The following RGS7 variants were observed in gnomAD, a reference collection of about 807,000 sequenced individuals.
RGS7 encodes the protein regulator of G protein signaling 7.
RGS7 carries 27 observed loss-of-function variants against 81.1 expected under a neutral mutation model. The observed-to-expected ratio is 0.33, with a 90% CI of 0.25 to 0.46. The LOEUF (loss-of-function observed/expected upper bound fraction) is 0.46, where lower values mean the gene tolerates loss of function less well. Ranked by LOEUF, RGS7 falls within the 20% of genes least tolerant of loss-of-function variation. The pLI, the probability that RGS7 is intolerant of heterozygous loss-of-function variation, is 1.00. For synonymous variants in RGS7, 208 were observed against 207.7 expected (o/e 1.00, Z -0.01); for missense variants, 396 against 607.4 (o/e 0.65, Z 3.66).
intron 3 of RGS7, among the ~76,000 whole-genome samples, chr1:240,993,347 G>C (rs1395354033): frequency 6.6e-6 from 1 of 152,184 alleles, no homozygotes; most frequent in African/African-American, 2.4e-5. Context: ...ATTCCTACCA[G>C]CGATGTAGGA....
intron 4 of RGS7, 30 bp downstream of exon 4, chr1:240,983,048 AG>A (rs1166081106): frequency 5.2e-6 from 7 of 1,341,674 alleles, no homozygotes; most frequent in Non-Finnish European, 7.5e-6. Context: ...CTAAGAAAAA[AG>A]TTCTTGCAAT....
chr1:241,068,635 C>T (rs974071911), intron 3 of RGS7, among the ~76,000 whole-genome samples: 1 of 151,990 alleles, frequency 6.6e-6, no homozygotes, highest in Non-Finnish European at 1.5e-5. Flanking sequence ...AATCCTGATC[C>T]CTGTCTCACA....
chr1:241,068,821 A>C (rs754897580), intron 3 of RGS7, among the ~76,000 whole-genome samples: 25 of 152,108 alleles, frequency 1.6e-4, no homozygotes, highest in Non-Finnish European at 2.8e-4. Flanking sequence ...CCAGTGTTGG[A>C]GGCGGGGCCT....
intron 2 of RGS7, among the ~76,000 whole-genome samples, chr1:241,309,479 T>C (rs866851000): frequency 7.9e-5 from 12 of 152,060 alleles, no homozygotes; most frequent in Admixed American, 5.2e-4. Flanking sequence ...CCAATTGCCC[T>C]GGCCATATTG....
At chr1:241,296,276 A>T (rs2079419394) in intron 2 of RGS7, among the ~76,000 whole-genome samples, 2 of 152,198 alleles carry the variant, frequency 1.3e-5, no homozygotes, top group African/African-American at 4.8e-5. Flanking sequence ...GTAGCCGCTG[A>T]CACAGCCAGA....
chr1:240,832,977 G>GT (rs1455056206), intron 9 of RGS7, among the ~76,000 whole-genome samples: 1 of 152,022 alleles, frequency 6.6e-6, no homozygotes, highest in East Asian at 1.9e-4. Context: ...TATATATGCT[G>GT]TTTTTCTTAT....
At chr1:241,168,468 G>A (rs944112898) in intron 2 of RGS7, among the ~76,000 whole-genome samples, 12 of 152,040 alleles carry the variant, frequency 7.9e-5, no homozygotes, top group African/African-American at 1.9e-4. Context: ...CATGATTCCC[G>A]CCCCAGCATC....
intron 6 of RGS7, among the ~76,000 whole-genome samples, chr1:240,918,817 T>C (rs1282994730): frequency 1.3e-5 from 2 of 151,850 alleles, no homozygotes; most frequent in East Asian, 3.9e-4. Flanking sequence ...ACAATTAATA[T>C]TGATGAGCCT....
At chr1:240,848,711 C>T (rs541529269) in intron 9 of RGS7, among the ~76,000 whole-genome samples, 1 of 150,918 alleles carries the variant, frequency 6.6e-6, no homozygotes, top group African/African-American at 2.4e-5. Flanking sequence ...TCCTGAATAA[C>T]ACAGAAGTTG....
intron 2 of RGS7, among the ~76,000 whole-genome samples, chr1:241,185,930 T>G (rs375714152): frequency 2.6e-5 from 4 of 151,748 alleles, no homozygotes; most frequent in African/African-American, 9.7e-5. Context: ...GAAAAACAAA[T>G]TAAACCCAAA....
chr1:240,968,217 T>C (rs1450589753), intron 4 of RGS7, among the ~76,000 whole-genome samples: 1 of 152,204 alleles, frequency 6.6e-6, no homozygotes, highest in Non-Finnish European at 1.5e-5. Context: ...GAATGTCATG[T>C]TTGCTAAAAC....
chr1:241,101,264 G>C (rs1475483503), intron 2 of RGS7, among the ~76,000 whole-genome samples: 1 of 152,188 alleles, frequency 6.6e-6, no homozygotes, highest in Non-Finnish European at 1.5e-5. Context: ...GGGAGACCAA[G>C]GCAGGCAGAT....
intron 2 of RGS7, among the ~76,000 whole-genome samples, chr1:241,245,710 G>T (rs1181938468): frequency 6.6e-6 from 1 of 152,060 alleles, no homozygotes; most frequent in East Asian, 1.9e-4. Flanking sequence ...GGGAGGCTGA[G>T]GCAGGAGAAT....
intron 5 of RGS7, among the ~76,000 whole-genome samples, chr1:240,935,962 T>C (rs975909340): frequency 2.0e-5 from 3 of 152,232 alleles, no homozygotes; most frequent in African/African-American, 7.2e-5. Flanking sequence ...GAATATACTT[T>C]AGGTAAATCA....
intron 2 of RGS7, among the ~76,000 whole-genome samples, chr1:241,167,625 T>C (rs940155619): frequency 1.3e-5 from 2 of 152,014 alleles, no homozygotes; most frequent in East Asian, 3.9e-4. Context: ...TTCAAGCGAT[T>C]CTCATGCCTC....
chr1:241,314,132 C>T (rs1010845611), intron 2 of RGS7, among the ~76,000 whole-genome samples: 1 of 152,190 alleles, frequency 6.6e-6, no homozygotes, highest in Admixed American at 6.5e-5. Flanking sequence ...GTTAATAAAG[C>T]GTAGTAGGGC....
intron 6 of RGS7, among the ~76,000 whole-genome samples, chr1:240,880,741 T>A (rs891052672): frequency 1.3e-5 from 2 of 152,310 alleles, no homozygotes; most frequent in Admixed American, 1.3e-4. Flanking sequence ...CAGAATTCCA[T>A]CCAATGCTAA....
chr1:241,339,131 A>G (rs2082396922), intron 2 of RGS7, among the ~76,000 whole-genome samples: 1 of 152,204 alleles, frequency 6.6e-6, no homozygotes, highest in Non-Finnish European at 1.5e-5. Context: ...AAGTGAGAAC[A>G]TGCAGTGTTT....
At chr1:241,022,761 C>T (rs1381081592) in intron 3 of RGS7, among the ~76,000 whole-genome samples, 2 of 152,156 alleles carry the variant, frequency 1.3e-5, no homozygotes, top group Non-Finnish European at 2.9e-5. Context: ...CATCGTGACA[C>T]TTAAGCTCTT....
Sources: gnomAD v4.1 joint callset for allele counts (sites outside exome capture counted in the v4.1 genomes callset) on GRCh38, gnomAD v4.1.1 for gene constraint, MANE v1.5 for transcripts, NCBI Gene and HGNC (gene_info 2026-07-23, HGNC 2026-07-21) for gene names.